The following RBFOX1 variants were observed in gnomAD, a reference collection of about 807,000 sequenced individuals.
RBFOX1 encodes RNA binding fox-1 homolog 1.
Under a neutral mutation model 57.7 loss-of-function variants are expected in RBFOX1, and 8 were observed. The observed-to-expected ratio is 0.14, with a 90% CI of 0.08 to 0.25. The LOEUF is 0.25. Ranked by LOEUF, RBFOX1 falls within the 10% of genes least tolerant of loss-of-function variation. The pLI, the probability that RBFOX1 is intolerant of heterozygous loss-of-function variation, is 1.00. For synonymous variants in RBFOX1, 326 were observed against 222.4 expected, an observed-to-expected ratio of 1.47 and a Z score of -4.15; for missense variants, 611 against 548.5, an observed-to-expected ratio of 1.11 and a Z score of -1.14.
intron 4 of RBFOX1, among the ~76,000 whole-genome samples, chr16:7,071,815 C>A (rs1258503875): frequency 6.6e-6 from 1 of 152,118 alleles, no homozygotes; most frequent in South Asian, 2.1e-4. Flanking sequence ...GTCTTCTACA[C>A]ACACACACCT....
chr16:5,275,190 A>G (rs999379066), intron 1 of RBFOX1, among the ~76,000 whole-genome samples: 1 of 152,198 alleles, frequency 6.6e-6, no homozygotes, highest in African/African-American at 2.4e-5. Context: ...ATAATTGTAC[A>G]TATTTATGGG....
At chr16:5,675,190 A>G (rs2050128042) in intron 3 of RBFOX1, among the ~76,000 whole-genome samples, 1 of 152,086 alleles carries the variant, frequency 6.6e-6, no homozygotes, top group Admixed American at 6.6e-5. Flanking sequence ...CTGTATATAT[A>G]CATCCACATG....
intron 3 of RBFOX1, among the ~76,000 whole-genome samples, chr16:6,828,870 C>G (rs948666886): frequency 6.6e-6 from 1 of 152,140 alleles, no homozygotes; most frequent in Non-Finnish European, 1.5e-5. Context: ...GTATTCCACC[C>G]CTTGGCTAAA....
intron 4 of RBFOX1, chr16:5,867,343 A>G: frequency 8.3e-7 from 1 of 1,201,408 alleles, no homozygotes; most frequent in African/African-American, 1.6e-5. Context: ...GAGGTAGGAA[A>G]CGTGGTTTTT....
chr16:7,375,912 C>T lies in RBFOX1; in HGVS notation c.28-142235C>T, dbSNP rs1359352682. On this transcript the variant is annotated intron_variant, in intron 4 of 15. Coordinates refer to ENST00000550418, the MANE Select transcript of RBFOX1 (RefSeq NM_018723.4). ...TTGCAAAGGGAAGACCTTGTGCCCA[C>T]GTCCTGCCTTAAATGCGAAGTAAAG... 5.3e-5 allele frequency among the ~76,000 whole-genome samples: 8 copies of T among 152,168 alleles called. No homozygotes were observed. In the East Asian group the frequency reaches 9.6e-4, roughly 18 times the overall value.
At chr16:6,692,993 C>T (rs761802035) in intron 3 of RBFOX1, among the ~76,000 whole-genome samples, 12 of 151,818 alleles carry the variant, frequency 7.9e-5, no homozygotes, top group Non-Finnish European at 1.8e-4. Flanking sequence ...CCATCGTTCT[C>T]CTCCACTACC....
At chr16:6,135,839 G>T (rs2096663068) in intron 1 of RBFOX1, among the ~76,000 whole-genome samples, 1 of 132,994 alleles carries the variant, frequency 7.5e-6, no homozygotes, top group Non-Finnish European at 1.5e-5. Flanking sequence ...CTGTCGCCCA[G>T]GCTGGAGTGC....
At position 6,091,216 on chromosome 16, in the gene RBFOX1, C is replaced by G. The variant is rs970904091; in HGVS notation, c.-127+71224C>G. On this transcript the variant is annotated intron_variant, in intron 1 of 15. Transcript: ENST00000550418. ...TTGTCTTCATTTCCCACTCCACCCC[C>G]ACACCCTTCCCAGCCTTAGTCACCA... Among the ~76,000 whole-genome samples the G allele has an allele frequency of 2.0e-5, 3 of 152,160 alleles. No individual in the cohort carries two copies. The South Asian group carries it at 6.2e-4, about 32-fold the overall frequency.
chr16:6,921,351 T>C (rs575176697), intron 3 of RBFOX1, among the ~76,000 whole-genome samples: 8 of 152,312 alleles, frequency 5.3e-5, no homozygotes, highest in Admixed American at 3.9e-4. Flanking sequence ...TGGGTTGTGT[T>C]CACATTTGGA....
chr16:7,014,569 G>T (rs1041081286), intron 3 of RBFOX1, among the ~76,000 whole-genome samples: 2 of 151,938 alleles, frequency 1.3e-5, no homozygotes, highest in African/African-American at 4.8e-5. Flanking sequence ...ACTGCACCCC[G>T]TCTTAAACTG....
intron 2 of RBFOX1, among the ~76,000 whole-genome samples, chr16:5,494,203 C>A (rs144768200): frequency 6.6e-6 from 1 of 152,194 alleles, no homozygotes; most frequent in Non-Finnish European, 1.5e-5. Context: ...CCAGACAGTT[C>A]TATGATGTCT....
intron 5 of RBFOX1, among the ~76,000 whole-genome samples, chr16:7,553,388 T>C (rs907522283): frequency 1.1e-4 from 16 of 152,198 alleles, no homozygotes; most frequent in Middle Eastern, 3.4e-3. Context: ...CAAGTGATCC[T>C]CTAGCATTGG....
chr16:6,506,499 G>T (rs900571903), intron 2 of RBFOX1, among the ~76,000 whole-genome samples: 1 of 152,050 alleles, frequency 6.6e-6, no homozygotes, highest in Non-Finnish European at 1.5e-5. Flanking sequence ...TATTAAAAAA[G>T]ATGCGTCAGG....
At chr16:5,684,768 G>C (rs2050451310) in intron 3 of RBFOX1, among the ~76,000 whole-genome samples, 1 of 152,114 alleles carries the variant, frequency 6.6e-6, no homozygotes, top group Non-Finnish European at 1.5e-5. Context: ...TAAATGCTTG[G>C]CTGGTATATC....
chr16:6,744,497 T>C (rs1016548796), intron 3 of RBFOX1, among the ~76,000 whole-genome samples: 1 of 152,030 alleles, frequency 6.6e-6, no homozygotes, highest in East Asian at 1.9e-4. Flanking sequence ...AAGTTATTTC[T>C]CCAATCGCAG....
intron 3 of RBFOX1, among the ~76,000 whole-genome samples, chr16:6,676,673 CTTTTTT>C (rs756578276): frequency 5.8e-5 from 6 of 103,548 alleles, no homozygotes; most frequent in South Asian, 3.5e-4. Context: ...TTTTTCTTTT[CTTTTTT>C]TTTTTTTTTT....
Position 7,545,373 on chromosome 16 carries a change from G to A in RBFOX1, c.270+26984G>A, listed in dbSNP as rs13335750. 1.7e-3 allele frequency among the ~76,000 whole-genome samples: 262 copies of A among 152,134 alleles called. 2 individuals are homozygous for A. The highest frequency in any genetic ancestry group is 6.2e-3 in the African/African-American group (257 of 41,510). On this transcript the variant is annotated intron_variant, in intron 5 of 15. Coordinates refer to ENST00000550418, the MANE Select transcript of RBFOX1 (RefSeq NM_018723.4). The stretch of plus-strand genomic sequence containing the variant: ...CCTCTTGGCCCCTTGCTCACAGCCA[G>A]GCCTCTGCCTTTATATTCTTCGGGG...
chr16:6,467,042 G>T (rs943077208), intron 2 of RBFOX1, among the ~76,000 whole-genome samples: 2 of 150,518 alleles, frequency 1.3e-5, no homozygotes, highest in Non-Finnish European at 3.0e-5. Flanking sequence ...TATTAATTAC[G>T]TGTAATGTAA....
chr16:7,532,935 G>C (rs1046955019), intron 5 of RBFOX1, among the ~76,000 whole-genome samples: 49 of 152,290 alleles, frequency 3.2e-4, no homozygotes, highest in African/African-American at 1.0e-3. Flanking sequence ...TCAGGCATCG[G>C]GCCATTTTAT....
Sources: allele counts gnomAD v4.1 joint callset (sites outside exome capture counted in the v4.1 genomes callset), GRCh38; gene constraint gnomAD v4.1.1; transcripts MANE v1.5; gene names NCBI Gene and HGNC (gene_info 2026-07-23, HGNC 2026-07-21).